ITPKC: variants seen among roughly 807,000 people sequenced by gnomAD.
The protein encoded by ITPKC is inositol-trisphosphate 3-kinase C, also known as IP3 3-kinase C.
Under a neutral mutation model 67.1 loss-of-function variants are expected in ITPKC, and 33 were observed. That is an observed-to-expected ratio of 0.49 (90% confidence interval 0.37 to 0.66). ITPKC has a LOEUF of 0.66. Among genes scored for constraint, ITPKC ranks in the 30% least tolerant of loss-of-function variants. The pLI, the probability that ITPKC is intolerant of heterozygous loss-of-function variation, is 0.00. For synonymous variants in ITPKC, 341 were observed against 359.8 expected, an observed-to-expected ratio of 0.95 and a Z score of 0.59; for missense variants, 820 against 892.1, an observed-to-expected ratio of 0.92 and a Z score of 1.03.
At chr19:40,723,851 T>C (rs1191997181) in intron 1 of ITPKC, among the ~76,000 whole-genome samples, 2 of 152,154 alleles carry the variant, frequency 1.3e-5, no homozygotes, top group Non-Finnish European at 2.9e-5. Flanking sequence ...TCAGGGTAGG[T>C]CAGGATTTTC....
At chr19:40,724,252 T>C (rs1326853102) in intron 1 of ITPKC, among the ~76,000 whole-genome samples, 2 of 152,076 alleles carry the variant, frequency 1.3e-5, no homozygotes, top group African/African-American at 4.8e-5. Context: ...TAGCTGGGCA[T>C]GGTGGCACAC....
At position 40,739,819 on chromosome 19, in the gene ITPKC, C is replaced by A; in HGVS notation, c.*259C>A. The A allele has an allele frequency of 1.9e-6, 1 of 527,866 alleles. No individual in the cohort carries two copies. Among genetic ancestry groups the A allele is most frequent in the Non-Finnish European group, 3.4e-6 (1 of 293,918 alleles). 32.7% of individuals were successfully genotyped at this position (527,866 alleles called of 1,614,324 possible). On this transcript the variant is annotated 3_prime_UTR_variant, in exon 7 of 7. Transcript: ENST00000263370. ...AGGCAGTGAGTCAGAAAAACCAGAA[C>A]GGGGTCCCCGGATCTGCCGGGAAGG...
Position 40,733,151 on chromosome 19 carries a change from T to C in ITPKC, c.1470-9T>C, listed in dbSNP as rs149591476. ...ATAATTTCCTTTGTCACATCCTCTG[T>C]GTGCTCAGGACCTATCTGGAAGAGG... On this transcript the variant is annotated splice_polypyrimidine_tract_variant and intron_variant, in intron 3 of 6. Coordinates refer to ENST00000263370, the MANE Select transcript of ITPKC (RefSeq NM_025194.3). The C allele has an allele frequency of 1.3e-4, 215 of 1,613,166 alleles. No individual in the cohort carries two copies. The African/African-American group carries it at 2.6e-3, about 19-fold the overall frequency.
intron 6 of ITPKC, among the ~76,000 whole-genome samples, chr19:40,738,898 T>C (rs1210617734): frequency 6.6e-6 from 1 of 152,172 alleles, no homozygotes; most frequent in South Asian, 2.1e-4. Context: ...CCAAGATGGC[T>C]CCTAGGTGAC....
At position 40,717,695 on chromosome 19, in the gene ITPKC, G is replaced by A. The variant is rs1195372764; in HGVS notation, c.560G>A (p.Arg187Lys). The change falls in exon 1 of 7, where the codon AGG becomes AAG. Residue 187 changes from arginine to lysine, a missense_variant. Arg to Lys is a conservative substitution (Grantham distance 26). Coordinates refer to ENST00000263370, the MANE Select transcript of ITPKC (RefSeq NM_025194.3). ...ETHGSQTQPERVKSWADNLWT... is the reference protein window; with the variant it reads ...ETHGSQTQPEKVKSWADNLWT... The stretch of plus-strand genomic sequence containing the variant: ...CATGGGTCACAGACTCAGCCAGAGA[G>A]GGTCAAGTCCTGGGCTGATAACCTC... The A allele has an allele frequency of 2.5e-6, 4 of 1,613,964 alleles. No individual in the cohort carries two copies. Among genetic ancestry groups the A allele is most frequent in the Non-Finnish European group, 3.4e-6 (4 of 1,180,008 alleles).
Position 40,737,020 on chromosome 19 carries a change from A to C in ITPKC, c.1709A>C (p.Lys570Thr), listed in dbSNP as rs776742395. 2 of 1,594,878 alleles carry C rather than the reference A, an allele frequency of 1.3e-6. No individual in the cohort carries two copies. The highest frequency in any genetic ancestry group is 1.3e-5 in the African/African-American group (1 of 74,510). Reference protein sequence around the residue: ...ADGTCNTNFKKTQALEQVTKV... With the variant: ...ADGTCNTNFKTTQALEQVTKV... ...GGGACCTGTAACACCAACTTCAAGAAGACGCAGGCACTGGAGCAGGTGACA... is the reference window on the plus strand; with the variant it reads ...GGGACCTGTAACACCAACTTCAAGACGACGCAGGCACTGGAGCAGGTGACA... The change falls in exon 5 of 7, where the codon AAG (lysine) becomes ACG (threonine). Residue 570 changes from lysine (K) to threonine (T), a missense_variant. By Grantham distance (78) the Lys-to-Thr change is moderately conservative (BLOSUM62 -1). Coordinates refer to ENST00000263370, the MANE Select transcript of ITPKC (RefSeq NM_025194.3).
rs73548864 is a variant in ITPKC, at chr19:40,737,270, C to T, written c.1776+183C>T. 6.1e-3 allele frequency among the ~76,000 whole-genome samples: 933 copies of T among 152,352 alleles called. 11 individuals are homozygous for T. Among genetic ancestry groups the T allele is most frequent in the African/African-American group, 0.019 (778 of 41,574 alleles). On this transcript the variant is annotated intron_variant, in intron 5 of 6. Coordinates refer to ENST00000263370, the MANE Select transcript of ITPKC (RefSeq NM_025194.3). The stretch of plus-strand genomic sequence containing the variant: ...GGTCCAGGGGGCCCTGCTCCCAGCT[C>T]TGCCGGTTGGCTCATGACTTGGCCG...
At chr19:40,722,425 C>T (rs1476668644) in intron 1 of ITPKC, among the ~76,000 whole-genome samples, 3 of 152,142 alleles carry the variant, frequency 2.0e-5, no homozygotes, top group African/African-American at 4.8e-5. Context: ...TCCCCAGGGC[C>T]GGCAGCTGGA....
chr19:40,729,464 A>G (rs2082260824), intron 3 of ITPKC, 49 bp downstream of exon 3: 1 of 1,525,066 alleles, frequency 6.6e-7, no homozygotes, highest in South Asian at 1.2e-5. Flanking sequence ...GGGGGTGGGC[A>G]TTATTGAAAA....
rs761841259 is a variant in ITPKC at position 40,718,119 on chromosome 19, C to T, written c.984C>T (p.Pro328=). ...HLKCSPLCPV[P]RLIITPETPE... Reference sequence around the variant, plus strand: ...AGTGTAGCCCCCTGTGCCCTGTGCCCCGCCTCATCATTACCCCTGAGACCC... The same window carrying T: ...AGTGTAGCCCCCTGTGCCCTGTGCCTCGCCTCATCATTACCCCTGAGACCC... The change falls in exon 1 of 7, where the codon CCC becomes CCT. Residue 328 remains proline, a synonymous_variant. Transcript: ENST00000263370. 5.6e-6 allele frequency: 9 copies of T among 1,612,122 alleles called. No homozygotes were observed. The South Asian group carries it at 9.9e-5, about 18-fold the overall frequency.
At chr19:40,733,714 C>G (rs1420468270) in intron 4 of ITPKC, among the ~76,000 whole-genome samples, 1 of 152,148 alleles carries the variant, frequency 6.6e-6, no homozygotes, top group Non-Finnish European at 1.5e-5. Flanking sequence ...GAGAAGGTTT[C>G]TCTTTTTCTT....
chr19:40,724,577 C>G (rs1003927925), intron 1 of ITPKC, among the ~76,000 whole-genome samples: 1 of 152,078 alleles, frequency 6.6e-6, no homozygotes, highest in South Asian at 2.1e-4. Context: ...TGTGGTCCAT[C>G]TCCATCCATC....
Position 40,729,393 on chromosome 19 carries a change from A to G in ITPKC, c.1447A>G (p.Met483Val), listed in dbSNP as rs1452923400. The G allele has an allele frequency of 1.2e-6, 2 of 1,613,176 alleles. No individual in the cohort carries two copies. Among genetic ancestry groups the G allele is most frequent in the Admixed American group, 1.7e-5 (1 of 59,848 alleles). Residue 483 changes from methionine to valine, a missense_variant, in exon 3 of 7, where the codon ATG (methionine) becomes GTG (valine). Met to Val is a conservative substitution (Grantham distance 21). This residue lies in a region of ITPKC where 339 missense variants were observed against 422.0 expected (regional missense o/e 0.80). Coordinates refer to ENST00000263370, the MANE Select transcript of ITPKC (RefSeq NM_025194.3). The stretch of plus-strand genomic sequence containing the variant: ...GGCTGACTTTGAGGGCCCCTCCATT[A>G]TGGACTGCAAGATGGGCAGCAGGTG... ...LLADFEGPSI[M>V]DCKMGSRTYL...
chr19:40,719,809 A>G (rs1251414269), intron 1 of ITPKC, among the ~76,000 whole-genome samples: 1 of 152,166 alleles, frequency 6.6e-6, no homozygotes. Flanking sequence ...TACTATTATT[A>G]TCCCCTTTTA....
chr19:40,722,952 T>TA lies in ITPKC; in HGVS notation c.1156-2388_1156-2387insA, dbSNP rs1326487096. Among the ~76,000 whole-genome samples, 4 of 149,736 alleles carry TA rather than the reference T, an allele frequency of 2.7e-5. No individual in the cohort carries two copies. In the East Asian group the frequency reaches 6.1e-4, roughly 23 times the overall value. Reference sequence around the variant, plus strand: ...CCACCACGCCTAGCTGATTCTTAATTTTTTATTTATTTATTTATTTATTTT... The same window carrying TA: ...CCACCACGCCTAGCTGATTCTTAATTATTTTATTTATTTATTTATTTATTTT... On this transcript the variant is annotated intron_variant, in intron 1 of 6. Transcript: ENST00000263370.
chr19:40,738,475 C>T (rs1361435135), intron 6 of ITPKC, among the ~76,000 whole-genome samples: 3 of 151,888 alleles, frequency 2.0e-5, no homozygotes, highest in Admixed American at 2.0e-4. Flanking sequence ...TTGCTTGAAC[C>T]CAGTAGGCAG....
At chr19:40,734,335 C>T (rs2082284932) in intron 4 of ITPKC, among the ~76,000 whole-genome samples, 1 of 152,054 alleles carries the variant, frequency 6.6e-6, no homozygotes, top group African/African-American at 2.4e-5. Context: ...GTATATAAGA[C>T]ATTTTGCAAG....
chr19:40,718,043 T>A lies in ITPKC; in HGVS notation c.908T>A (p.Leu303Ter). The A allele has an allele frequency of 6.2e-7, 1 of 1,614,054 alleles. No homozygotes were observed. The highest frequency in any genetic ancestry group is 8.5e-7 in the Non-Finnish European group (1 of 1,179,988). ...CLLGEPEDGP[L>*]EEPEPGELLT... ...TTGGGAGAGCCTGAGGATGGCCCAT[T>A]AGAGGAACCAGAGCCTGGAGAATTG... The change falls in exon 1 of 7, where the codon TTA becomes TAA. Residue 303 changes from leucine (L) to a stop codon, truncating the protein, a stop_gained. Transcript: ENST00000263370. LOFTEE classifies it high-confidence loss of function.
intron 2 of ITPKC, among the ~76,000 whole-genome samples, chr19:40,727,419 T>A (rs1403381496): frequency 6.6e-6 from 1 of 151,954 alleles, no homozygotes; most frequent in Non-Finnish European, 1.5e-5. Flanking sequence ...TTAAAAAAAA[T>A]AACTTAGTAG....
Sources: allele counts gnomAD v4.1 joint callset (sites outside exome capture counted in the v4.1 genomes callset), GRCh38; gene constraint gnomAD v4.1.1; regional missense constraint gnomAD v4.1.1; transcripts MANE v1.5; gene names NCBI Gene and HGNC (gene_info 2026-07-23, HGNC 2026-07-21).